Variants in AXDND1 observed in about 807,000 individuals in gnomAD.
AXDND1 encodes axonemal dynein light chain domain containing 1, also known as axonemal dynein light chain domain-containing protein 1.
In AXDND1, 110 loss-of-function variants were observed where a neutral mutation model predicts 137.5. The ratio of observed to expected loss-of-function variants is 0.80; its 90% CI spans 0.69 to 0.94. The LOEUF (loss-of-function observed/expected upper bound fraction) is 0.94. Ranked by LOEUF, AXDND1 falls within the 40% of genes least tolerant of loss-of-function variation. The probability of loss-of-function intolerance (pLI) is 0.00; values close to 1 mark genes in which losing one functional copy is unlikely to be tolerated. For synonymous variants in AXDND1, 414 were observed against 399.7 expected (o/e 1.04, Z -0.43); for missense variants, 1,191 against 1,169.8 (o/e 1.02, Z -0.26).
At position 179,468,476 on chromosome 1, in the gene AXDND1, C is replaced by T; in HGVS notation, c.1832C>T (p.Ser611Phe). ...AAAATTCTTCCAAGTTTGATTAGTT[C>T]TCTTGACTTCTGTTCTTTCAAGTTG... ...YSKILPSLIS[S>F]LDFCSFKLEN... is the part of the protein sequence containing the mutation. The change falls in exon 17 of 26, where the codon TCT becomes TTT. Residue 611 changes from serine to phenylalanine, a missense_variant. By Grantham distance (155) the Ser-to-Phe change is radical (BLOSUM62 -2). Transcript: ENST00000367618. 1 of 1,612,336 alleles carries T rather than the reference C, an allele frequency of 6.2e-7. No homozygotes were observed. Among genetic ancestry groups the T allele is most frequent in the Admixed American group, 1.7e-5 (1 of 59,934 alleles).
intron 23 of AXDND1, among the ~76,000 whole-genome samples, chr1:179,528,641 CTTTTTTTT>C (rs34531104): frequency 1.7e-4 from 20 of 115,356 alleles, no homozygotes; most frequent in Non-Finnish European, 2.7e-4. Flanking sequence ...CTTTAAACCT[CTTTTTTTT>C]TTTTTTTTTT....
intron 21 of AXDND1, among the ~76,000 whole-genome samples, chr1:179,518,270 G>C (rs1167848442): frequency 6.6e-6 from 1 of 151,934 alleles, no homozygotes; most frequent in Non-Finnish European, 1.5e-5. Context: ...AAAAACAGCT[G>C]TATTCAACCT....
At chr1:179,489,467 G>A (rs1028553083) in intron 18 of AXDND1, among the ~76,000 whole-genome samples, 1 of 152,054 alleles carries the variant, frequency 6.6e-6, no homozygotes, top group African/African-American at 2.4e-5. Flanking sequence ...TATAATCTAG[G>A]CCATTGGTAT....
chr1:179,383,350 A>G (rs562292718), intron 7 of AXDND1, 92 bp from the exon 8 acceptor site: 1 of 908,254 alleles, frequency 1.1e-6, no homozygotes, highest in African/African-American at 1.7e-5. Context: ...GAGAGCATAT[A>G]TATTCTCTTT....
chr1:179,404,747 A>G lies in AXDND1; in HGVS notation c.1110-6399A>G, dbSNP rs1571676240. Among the ~76,000 whole-genome samples the G allele has an allele frequency of 2.6e-5, 4 of 151,990 alleles. No homozygotes were observed. The South Asian group carries it at 8.3e-4, about 31-fold the overall frequency. ...GTTGTTGTGTCTTTGTCTGGTTTTG[A>G]TATCAAAATAATGTTGGCTTTGCAG... On this transcript the variant is annotated intron_variant, in intron 11 of 25. Coordinates refer to ENST00000367618, the MANE Select transcript of AXDND1 (RefSeq NM_144696.6).
chr1:179,530,272 G>T (rs571095671), intron 23 of AXDND1, among the ~76,000 whole-genome samples: 2 of 152,170 alleles, frequency 1.3e-5, no homozygotes, highest in South Asian at 4.2e-4. Flanking sequence ...CTCATGATCC[G>T]CCTGCTTCGG....
intron 11 of AXDND1, among the ~76,000 whole-genome samples, chr1:179,408,263 A>T (rs184718113): frequency 3.9e-5 from 6 of 152,118 alleles, no homozygotes; most frequent in African/African-American, 1.4e-4. Context: ...GACATTTTAT[A>T]AATTTCCTTT....
At chr1:179,446,866 T>C (rs984005194) in intron 16 of AXDND1, among the ~76,000 whole-genome samples, 4 of 151,856 alleles carry the variant, frequency 2.6e-5, no homozygotes, top group African/African-American at 7.2e-5. Flanking sequence ...TGTTTAATGC[T>C]TCTAGCCTGG....
At chr1:179,428,352 G>A (rs1187123787) in intron 12 of AXDND1, among the ~76,000 whole-genome samples, 1 of 152,248 alleles carries the variant, frequency 6.6e-6, no homozygotes, top group African/African-American at 2.4e-5. Flanking sequence ...CTTTGTGTTA[G>A]ATCATCCCTA....
chr1:179,397,601 C>T (rs1183574350), intron 11 of AXDND1, among the ~76,000 whole-genome samples: 2 of 152,144 alleles, frequency 1.3e-5, no homozygotes, highest in Non-Finnish European at 1.5e-5. Context: ...TTACACTCAC[C>T]CTATCTCTTT....
At chr1:179,498,966 T>A (rs1356175395) in intron 20 of AXDND1, among the ~76,000 whole-genome samples, 2 of 152,122 alleles carry the variant, frequency 1.3e-5, no homozygotes, top group African/African-American at 4.8e-5. Context: ...GGAAAACTGT[T>A]ATTCACTGTT....
At chr1:179,414,288 T>C (rs1247479145) in intron 12 of AXDND1, among the ~76,000 whole-genome samples, 4 of 151,966 alleles carry the variant, frequency 2.6e-5, no homozygotes, top group African/African-American at 9.7e-5. Flanking sequence ...AAGACCTGTA[T>C]CTTGAAAACA....
chr1:179,415,882 C>T (rs763240853), intron 12 of AXDND1, among the ~76,000 whole-genome samples: 3 of 152,112 alleles, frequency 2.0e-5, no homozygotes, highest in Non-Finnish European at 2.9e-5. Context: ...TTGTAAAGAT[C>T]AAATATGTGT....
intron 9 of AXDND1, among the ~76,000 whole-genome samples, chr1:179,392,353 A>G (rs1295945999): frequency 6.6e-6 from 1 of 152,120 alleles, no homozygotes; most frequent in African/African-American, 2.4e-5. Flanking sequence ...TATATACCAC[A>G]TTTTCTTTAT....
At chr1:179,424,005 C>T (rs1359007885) in intron 12 of AXDND1, among the ~76,000 whole-genome samples, 2 of 151,718 alleles carry the variant, frequency 1.3e-5, no homozygotes, top group African/African-American at 2.4e-5. Context: ...TGAAGAACTC[C>T]CCATTAGCAT....
At chr1:179,539,278 A>G (rs1671876619) in intron 25 of AXDND1, among the ~76,000 whole-genome samples, 1 of 152,120 alleles carries the variant, frequency 6.6e-6, no homozygotes, top group Non-Finnish European at 1.5e-5. Context: ...CAGTTTCTTC[A>G]TAGTGTCGAT....
intron 9 of AXDND1, among the ~76,000 whole-genome samples, chr1:179,390,537 T>C (rs1219835629): frequency 6.6e-6 from 1 of 152,234 alleles, no homozygotes; most frequent in Non-Finnish European, 1.5e-5. Context: ...AATCTCACTA[T>C]ACGTTAAGTC....
At chr1:179,408,968 C>CTTTT (rs74384865) in intron 11 of AXDND1, among the ~76,000 whole-genome samples, 192 of 126,276 alleles carry the variant, frequency 1.5e-3, no homozygotes, top group Non-Finnish European at 2.1e-3. Flanking sequence ...TTTTTTCTTT[C>CTTTT]TTTTTTTTTT....
At chr1:179,503,027 G>A (rs1374080402) in intron 20 of AXDND1, among the ~76,000 whole-genome samples, 12 of 151,798 alleles carry the variant, frequency 7.9e-5, no homozygotes, top group South Asian at 2.1e-4. Flanking sequence ...CCCGGGAGGC[G>A]GAGGTTGCGG....
Sources: gnomAD v4.1 joint callset for allele counts (sites outside exome capture counted in the v4.1 genomes callset) on GRCh38, gnomAD v4.1.1 for gene constraint, MANE v1.5 for transcripts, NCBI Gene and HGNC (gene_info 2026-07-23, HGNC 2026-07-21) for gene names.